Variants in ADGRV1 observed in about 807,000 individuals in gnomAD.
ADGRV1 encodes the protein adhesion G protein-coupled receptor V1.
In ADGRV1, 359 loss-of-function variants were observed where a neutral mutation model predicts 596.2. That is an observed-to-expected ratio of 0.60 (90% CI 0.55 to 0.66). The LOEUF (loss-of-function observed/expected upper bound fraction) is 0.66. Among genes scored for constraint, ADGRV1 ranks in the 30% least tolerant of loss-of-function variants. ADGRV1 has a pLI of 0.00. For synonymous variants in ADGRV1, 2,681 were observed against 2,679.2 expected, an observed-to-expected ratio of 1.00 and a Z score of -0.02; for missense variants, 7,274 against 7,575.6, an observed-to-expected ratio of 0.96 and a Z score of 1.48.
At chr5:90,651,544 T>A in intron 17 of ADGRV1, 60 bp from the exon 18 acceptor site, 1 of 1,329,046 alleles carries the variant, frequency 7.5e-7, no homozygotes, top group Non-Finnish European at 1.0e-6. Flanking sequence ...TTTAAAAGTA[T>A]AAATTTTACA....
At chr5:90,979,299 C>T (rs1779894755) in intron 84 of ADGRV1, among the ~76,000 whole-genome samples, 1 of 151,972 alleles carries the variant, frequency 6.6e-6, no homozygotes, top group African/African-American at 2.4e-5. Flanking sequence ...TCCTGAGTAG[C>T]TGGGACTACA....
chr5:90,893,128 G>T (rs1770979885), intron 83 of ADGRV1, among the ~76,000 whole-genome samples: 2 of 152,154 alleles, frequency 1.3e-5, no homozygotes, highest in African/African-American at 4.8e-5. Context: ...CTCACTATCA[G>T]TGAGGAATGA....
chr5:90,778,652 T>C, intron 63 of ADGRV1, 43 bp downstream of exon 63: 2 of 1,420,054 alleles, frequency 1.4e-6, no homozygotes, highest in Non-Finnish European at 1.9e-6. Context: ...ATTTTTATTT[T>C]TAGATATGAA....
intron 83 of ADGRV1, among the ~76,000 whole-genome samples, chr5:90,957,287 G>A (rs1241461562): frequency 6.6e-6 from 1 of 151,840 alleles, no homozygotes; most frequent in African/African-American, 2.4e-5. Context: ...TATCTCTAGG[G>A]CCTTTAGCAC....
At chr5:90,582,050 T>G (rs1030700709) in intron 1 of ADGRV1, among the ~76,000 whole-genome samples, 6 of 152,138 alleles carry the variant, frequency 3.9e-5, no homozygotes, top group African/African-American at 1.4e-4. Flanking sequence ...AAGAGTGTAC[T>G]TGGTATATGA....
At chr5:91,025,465 T>G (rs934708730) in intron 85 of ADGRV1, among the ~76,000 whole-genome samples, 2 of 152,170 alleles carry the variant, frequency 1.3e-5, no homozygotes, top group Non-Finnish European at 2.9e-5. Flanking sequence ...TCAATGACCT[T>G]TGTGGACATA....
Position 90,847,857 on chromosome 5 carries a change from A to T in ADGRV1, c.17020-780A>T, listed in dbSNP as rs559184501. Among the ~76,000 whole-genome samples the T allele has an allele frequency of 3.2e-4, 48 of 152,140 alleles. 1 individual carries two copies. In the South Asian group the frequency reaches 1.0e-2, roughly 32 times the overall value. On this transcript the variant is annotated intron_variant, in intron 78 of 89. Coordinates refer to ENST00000405460, the MANE Select transcript of ADGRV1 (RefSeq NM_032119.4). ...CGCCTCTCCCTCCACACCTCCCTGC[A>T]AGCTGAGGGAGCCGGTTCCCGCCTC... is the stretch of plus-strand genomic sequence containing the variant.
intron 25 of ADGRV1, chr5:90,676,968 C>T (rs2149556513): frequency 6.6e-6 from 1 of 152,156 alleles, no homozygotes; most frequent in Admixed American, 6.5e-5. Flanking sequence ...AATATGTATC[C>T]CAATTAGATG....
At chr5:90,580,545 G>A (rs895342676) in intron 1 of ADGRV1, among the ~76,000 whole-genome samples, 3 of 143,982 alleles carry the variant, frequency 2.1e-5, no homozygotes, top group African/African-American at 8.7e-5. Context: ...CCTTCACTTA[G>A]TTTGGCTGGA....
chr5:90,608,547 A>G (rs371024780), intron 1 of ADGRV1, among the ~76,000 whole-genome samples: 3 of 151,852 alleles, frequency 2.0e-5, no homozygotes, highest in Admixed American at 6.6e-5. Flanking sequence ...AAAGAAAATT[A>G]TTTTTACCTA....
At chr5:91,041,367 T>C (rs1043352420) in intron 85 of ADGRV1, among the ~76,000 whole-genome samples, 1 of 152,092 alleles carries the variant, frequency 6.6e-6, no homozygotes, top group African/African-American at 2.4e-5. Context: ...ACTATCATTC[T>C]CAGCAAACTA....
intron 85 of ADGRV1, among the ~76,000 whole-genome samples, chr5:91,053,446 A>G (rs12188249): frequency 0.22 from 33,111 of 152,126 alleles, 4,104 homozygotes; most frequent in Non-Finnish European, 0.28. Flanking sequence ...CCAGAGAAAC[A>G]AAGATTAATC....
At chr5:90,688,924 G>A (rs889396033) in intron 29 of ADGRV1, among the ~76,000 whole-genome samples, 5 of 152,076 alleles carry the variant, frequency 3.3e-5, no homozygotes, top group Non-Finnish European at 5.9e-5. Flanking sequence ...CAAGGAAGAG[G>A]CAACAGTTAG....
At chr5:91,053,221 A>C (rs867050390) in intron 85 of ADGRV1, among the ~76,000 whole-genome samples, 1 of 152,180 alleles carries the variant, frequency 6.6e-6, no homozygotes, top group African/African-American at 2.4e-5. Flanking sequence ...TTCCTCTGCA[A>C]TCACCCTTCA....
chr5:90,728,617 A>T (rs536478813), intron 48 of ADGRV1, 52 bp from the exon 49 acceptor site: 1 of 1,466,576 alleles, frequency 6.8e-7, no homozygotes, highest in South Asian at 1.3e-5. Context: ...ACATTCTTGC[A>T]AGTGCTAAAT....
intron 1 of ADGRV1, among the ~76,000 whole-genome samples, chr5:90,611,835 G>C (rs1248454775): frequency 6.6e-6 from 1 of 151,938 alleles, no homozygotes; most frequent in Admixed American, 6.6e-5. Flanking sequence ...TAGATTTTTA[G>C]TGTGATAGAG....
At chr5:91,146,989 C>T (rs1284798436) in intron 87 of ADGRV1, among the ~76,000 whole-genome samples, 1 of 151,866 alleles carries the variant, frequency 6.6e-6, no homozygotes, top group Non-Finnish European at 1.5e-5. Flanking sequence ...TGGCAAAACC[C>T]CATCTGTACA....
chr5:90,810,566 A>G lies in ADGRV1; in HGVS notation c.15306A>G (p.Leu5102=). ...TTACTTCAGTAGAAATTAGGGGATT[A>G]CAAAAGTTTGATGTTAATTGGAGCC... ...INLTSVEIRG[L]QKFDVNWSPR... Residue 5102 remains leucine (L), a synonymous_variant, in exon 74 of 90, where the codon TTA becomes TTG. Transcript: ENST00000405460. 1 of 1,613,956 alleles carries G rather than the reference A, an allele frequency of 6.2e-7. No homozygotes were observed. Among genetic ancestry groups the G allele is most frequent in the Non-Finnish European group, 8.5e-7 (1 of 1,179,852 alleles).
At chr5:91,101,515 C>T (rs577198270) in intron 86 of ADGRV1, among the ~76,000 whole-genome samples, 4 of 152,234 alleles carry the variant, frequency 2.6e-5, no homozygotes, top group Admixed American at 6.5e-5. Context: ...ATATTAAGAT[C>T]GCCTCTATAT....
Sources: allele counts gnomAD v4.1 joint callset (sites outside exome capture counted in the v4.1 genomes callset), GRCh38; gene constraint gnomAD v4.1.1; transcripts MANE v1.5; gene names NCBI Gene and HGNC (gene_info 2026-07-23, HGNC 2026-07-21).